ADAMTS13: variants seen among roughly 807,000 people sequenced by gnomAD.
ADAMTS13 encodes ADAM metallopeptidase with thrombospondin type 1 motif 13, also known as A disintegrin and metalloproteinase with thrombospondin motifs 13.
A neutral mutation model predicts 155.1 loss-of-function variants in ADAMTS13; 110 were observed. The ratio of observed to expected loss-of-function variants is 0.71; its 90% CI spans 0.61 to 0.83. The LOEUF is 0.83. ADAMTS13 is among the 40% of genes least tolerant of loss of function. The pLI, the probability that ADAMTS13 is intolerant of heterozygous loss-of-function variation, is 0.00. For synonymous variants in ADAMTS13, 758 were observed against 756.4 expected, an observed-to-expected ratio of 1.00 and a Z score of -0.03; for missense variants, 1,707 against 1,891.7, an observed-to-expected ratio of 0.90 and a Z score of 1.81.
intron 19 of ADAMTS13, among the ~76,000 whole-genome samples, chr9:133,444,101 G>A (rs1054315178): frequency 3.3e-5 from 5 of 152,136 alleles, no homozygotes; most frequent in Admixed American, 6.5e-5. Context: ...CTCGTCATCC[G>A]TGGCAGACAA....
intron 2 of ADAMTS13, among the ~76,000 whole-genome samples, chr9:133,423,938 C>T (rs1186702472): frequency 6.6e-6 from 1 of 152,250 alleles, no homozygotes; most frequent in Non-Finnish European, 1.5e-5. Flanking sequence ...CTGGCCTGGG[C>T]CCCTGCTTCC....
At chr9:133,433,293 G>C in intron 9 of ADAMTS13, 85 bp from the exon 10 acceptor site, 1 of 1,578,516 alleles carries the variant, frequency 6.3e-7, no homozygotes. Context: ...GATCCCTGAG[G>C]ATGTTGGGGG....
Position 133,456,286 on chromosome 9 carries a change from C to T in ADAMTS13, c.3547+71C>T. 6.2e-7 allele frequency: 1 copy of T among 1,604,930 alleles called. No individual in the cohort carries two copies. The stretch of plus-strand genomic sequence containing the variant: ...CCAGGAGCCAGCACGACGCTGCATG[C>T]CCCATTCCTGGCAGGAGCCCATGTG... On this transcript the variant is annotated intron_variant, in intron 26 of 28. Transcript: ENST00000355699. This position sits in a 1 kb window ranked among gnomAD's most constrained non-coding sequence, Gnocchi z 4.4.
rs868172213 is a variant in ADAMTS13, at chr9:133,444,949, A to G, written c.2507A>G (p.Asp836Gly). 6.2e-7 allele frequency: 1 copy of G among 1,613,486 alleles called. No individual in the cohort carries two copies. The highest frequency in any genetic ancestry group is 8.5e-7 in the Non-Finnish European group (1 of 1,180,018). The change falls in exon 20 of 29, where the codon GAT (aspartate) becomes GGT (glycine). Residue 836 changes from aspartate (D) to glycine (G), a missense_variant. This residue lies in a region of ADAMTS13 where 961 missense variants were observed against 1,107.9 expected (regional missense o/e 0.87). Transcript: ENST00000355699. ...LENETCVPGADGLEAPVTEGP... is the reference protein window; with the variant it reads ...LENETCVPGAGGLEAPVTEGP... ...AACGAGACCTGTGTGCCAGGGGCAG[A>G]TGGCCTGGAGGCTCCAGTGACTGAG...
intron 27 of ADAMTS13, chr9:133,457,195 A>G (rs1842798219): frequency 4.2e-6 from 1 of 238,366 alleles, no homozygotes; most frequent in African/African-American, 2.3e-5. Context: ...CCCCCTCGAT[A>G]TCCTCTGATA....
rs143573766 is a variant in ADAMTS13 at position 133,440,456 on chromosome 9, C to A, written c.1899C>A (p.Thr633=). ...GTGTCGAGTACAGAGTGGCCCTCAC[C>A]GAGGACCGGCTGCCCCGCCTGGAGG... The part of the protein sequence containing the change: ...DGRVEYRVAL[T]EDRLPRLEEI... Residue 633 remains threonine, a synonymous_variant, in exon 16 of 29, where the codon ACC becomes ACA. Transcript: ENST00000355699. The surrounding 1 kb of genome is among the most constrained non-coding windows in gnomAD (Gnocchi z 4.3). The A allele has an allele frequency of 1.9e-6, 3 of 1,613,728 alleles. No individual in the cohort carries two copies. Among genetic ancestry groups the A allele is most frequent in the Non-Finnish European group, 8.5e-7 (1 of 1,179,990 alleles).
chr9:133,421,048 C>G (rs146485912), upstream of ADAMTS13, among the ~76,000 whole-genome samples: 201 of 152,292 alleles, frequency 1.3e-3, no homozygotes, highest in Middle Eastern at 3.4e-3. Context: ...GTCAGCTCAC[C>G]TGAGGTCAGG....
At position 133,425,636 on chromosome 9, in the gene ADAMTS13, C is replaced by T. The variant is rs934531007; in HGVS notation, c.414+24C>T. The T allele has an allele frequency of 6.2e-7, 1 of 1,609,562 alleles. No individual in the cohort carries two copies. The highest frequency in any genetic ancestry group is 1.3e-5 in the African/African-American group (1 of 74,962). On this transcript the variant is annotated intron_variant, in intron 4 of 28. Coordinates refer to ENST00000355699, the MANE Select transcript of ADAMTS13 (RefSeq NM_139027.6). The surrounding 1 kb of genome is among the most constrained non-coding windows in gnomAD (Gnocchi z 4.6). The stretch of plus-strand genomic sequence containing the variant: ...AGGTAGGCATGGAGCTGGAACTCAG[C>T]ACACCATACAGAGCGGGAAGCCCAA...
At position 133,428,636 on chromosome 9, in the gene ADAMTS13, T is replaced by C; in HGVS notation, c.689T>C (p.Phe230Ser). The change falls in exon 7 of 29, where the codon TTC becomes TCC. Residue 230 changes from phenylalanine to serine, a missense_variant and splice_region_variant. By Grantham distance (155) the Phe-to-Ser change is radical (BLOSUM62 -2). Around this residue, in one of 3 missense-constraint regions of ADAMTS13, gnomAD observed 733 missense variants for 749.6 expected, o/e 0.98. Transcript: ENST00000355699. ...GCAACTCCCCGCCCCCCGACCAGCT[T>C]CGGCCTGGAGCACGACGGCGCGCCC... is the stretch of plus-strand genomic sequence containing the variant. ...VTIAHEIGHS[F>S]GLEHDGAPGS... The C allele has an allele frequency of 2.4e-6, 3 of 1,271,604 alleles. No individual in the cohort carries two copies. The highest frequency in any genetic ancestry group is 3.0e-6 in the Non-Finnish European group (3 of 1,001,646). The allele number at this position is 1,271,604 out of a possible 1,614,324, so 78.8% of individuals were successfully genotyped here. A position where few individuals can be genotyped will look rare whatever the true frequency, so the allele number is the denominator to read the frequency against.
intron 16 of ADAMTS13, 97 bp from the exon 17 acceptor site, chr9:133,442,302 G>A: frequency 6.4e-7 from 1 of 1,574,590 alleles, no homozygotes; most frequent in Non-Finnish European, 8.7e-7. Context: ...AGATTATAGG[G>A]ATGCAAGAAG....
chr9:133,438,429 A>G (rs955365201), intron 14 of ADAMTS13, 63 bp downstream of exon 14: 76 of 1,604,030 alleles, frequency 4.7e-5, no homozygotes, highest in South Asian at 2.1e-4. Context: ...GCCACAGCCC[A>G]GAGCGTTGGT....
At chr9:133,444,085 C>T (rs1841891242) in intron 19 of ADAMTS13, among the ~76,000 whole-genome samples, 2 of 152,248 alleles carry the variant, frequency 1.3e-5, no homozygotes, top group Middle Eastern at 3.4e-3. Context: ...GGACTCCTTT[C>T]CCCGCCTCGT....
chr9:133,422,260 G>A (rs976386094), upstream of ADAMTS13: 7 of 632,236 alleles, frequency 1.1e-5, no homozygotes, highest in Admixed American at 7.2e-5. Flanking sequence ...CTTGCAGCAG[G>A]AGGAGCTGCA....
At chr9:133,455,939 T>TGGAA in intron 25 of ADAMTS13, 130 bp from the exon 26 acceptor site, 1 of 1,267,670 alleles carries the variant, frequency 7.9e-7, no homozygotes, top group African/African-American at 1.5e-5. Flanking sequence ...CTGAGAAGGC[T>TGGAA]TCCAGCTGGG....
intron 1 of ADAMTS13, chr9:133,414,722 C>A (rs151201190): frequency 3.7e-6 from 6 of 1,614,126 alleles, no homozygotes; most frequent in Non-Finnish European, 4.2e-6. Flanking sequence ...CTCGATGTCC[C>A]CTCGTTCTGG....
chr9:133,444,697 C>A (rs775752872), intron 19 of ADAMTS13, among the ~76,000 whole-genome samples, 166 bp from the exon 20 acceptor site: 48 of 152,190 alleles, frequency 3.2e-4, no homozygotes, highest in Non-Finnish European at 3.5e-4. Context: ...ATGGGGAACC[C>A]GGTGCTTCAG....
chr9:133,432,372 A>G (rs141893920), intron 8 of ADAMTS13, among the ~76,000 whole-genome samples: 1 of 152,248 alleles, frequency 6.6e-6, no homozygotes. Flanking sequence ...ACACATTTCC[A>G]TGGGCCCCCA....
intron 19 of ADAMTS13, 65 bp downstream of exon 19, chr9:133,443,626 C>T (rs1403452070): frequency 2.1e-6 from 3 of 1,441,914 alleles, no homozygotes; most frequent in African/African-American, 1.4e-5. Flanking sequence ...CTGCGCTGAG[C>T]CCCCATCCTT....
chr9:133,432,784 G>A, intron 9 of ADAMTS13, 92 bp downstream of exon 9: 1 of 1,241,790 alleles, frequency 8.1e-7, no homozygotes, highest in Non-Finnish European at 1.1e-6. Flanking sequence ...CAGGAGGCAG[G>A]ACCAGTATGG....
Sources: gnomAD v4.1 joint callset for allele counts (sites outside exome capture counted in the v4.1 genomes callset) on GRCh38, gnomAD v4.1.1 for gene constraint, gnomAD v4.1.1 regional missense constraint, Gnocchi (gnomAD v3.1) non-coding constraint, MANE v1.5 for transcripts, NCBI Gene and HGNC (gene_info 2026-07-23, HGNC 2026-07-21) for gene names.